Variants in PDZK1 observed in about 807,000 individuals in gnomAD.
PDZK1 encodes the protein Na(+)/H(+) exchange regulatory cofactor NHE-RF3.
PDZK1 carries 23 observed loss-of-function variants against 38.1 expected under a neutral mutation model. That is an observed-to-expected ratio of 0.60 (90% CI 0.43 to 0.85). The LOEUF is 0.85. Among genes scored for constraint, PDZK1 ranks in the 40% least tolerant of loss-of-function variants. PDZK1 has a pLI of 0.00. For synonymous variants in PDZK1, 98 were observed against 186.2 expected, an observed-to-expected ratio of 0.53 and a Z score of 3.86; for missense variants, 297 against 504.3, an observed-to-expected ratio of 0.59 and a Z score of 3.94.
chr1:145,692,800 C>A (rs1244074417), intron 1 of PDZK1, among the ~76,000 whole-genome samples: 1 of 151,300 alleles, frequency 6.6e-6, no homozygotes, highest in African/African-American at 2.4e-5. Flanking sequence ...TTTGGGAGGC[C>A]AAGGCAAGCG....
chr1:145,683,760 G>A (rs1553700908), intron 3 of PDZK1, among the ~76,000 whole-genome samples: 1 of 151,704 alleles, frequency 6.6e-6, no homozygotes, highest in African/African-American at 2.4e-5. Context: ...CAATAACTGA[G>A]CTAATCTTAG....
intron 1 of PDZK1, among the ~76,000 whole-genome samples, chr1:145,695,143 G>A (rs587729588): frequency 5.9e-5 from 9 of 151,450 alleles, no homozygotes; most frequent in East Asian, 3.9e-4. Flanking sequence ...TGCCAGGTGC[G>A]GTGGCTCACA....
intron 1 of PDZK1, among the ~76,000 whole-genome samples, chr1:145,692,728 G>GAAGA (rs1328323127): frequency 1.3e-5 from 2 of 150,632 alleles, no homozygotes; most frequent in East Asian, 1.9e-4. Context: ...AAAAGAAGAA[G>GAAGA]AAGAAAGAAA....
chr1:145,680,703 A>T (rs781823985), intron 5 of PDZK1, among the ~76,000 whole-genome samples: 3 of 144,784 alleles, frequency 2.1e-5, no homozygotes, highest in Non-Finnish European at 4.5e-5. Context: ...CGTTGCCCAG[A>T]TCCCAAATTC....
chr1:145,679,805 CA>C (rs1654057103), intron 5 of PDZK1, among the ~76,000 whole-genome samples: 1 of 152,222 alleles, frequency 6.6e-6, no homozygotes, highest in South Asian at 2.1e-4. Context: ...AACAACTCCC[CA>C]TTGTCTGATA....
chr1:145,693,426 T>C (rs1389406087), intron 1 of PDZK1, among the ~76,000 whole-genome samples: 7 of 152,216 alleles, frequency 4.6e-5, no homozygotes, highest in African/African-American at 1.7e-4. Flanking sequence ...ACCTCAGGTC[T>C]AAAGCAGACC....
intron 4 of PDZK1, 108 bp from the exon 5 acceptor site, chr1:145,681,215 T>C (rs1654212986): frequency 2.3e-6 from 1 of 432,602 alleles, no homozygotes; most frequent in African/African-American, 2.4e-5. Flanking sequence ...CAACAAAAGA[T>C]AGGGGATGAA....
intron 1 of PDZK1, among the ~76,000 whole-genome samples, chr1:145,690,169 T>C (rs937163527): frequency 3.3e-5 from 5 of 151,960 alleles, no homozygotes; most frequent in African/African-American, 4.8e-5. Flanking sequence ...ATCACCAGAG[T>C]TGAGTCACAT....
chr1:145,673,125 ATGT>A (rs1653262606), intron 7 of PDZK1, 105 bp from the exon 8 acceptor site: 4 of 937,760 alleles, frequency 4.3e-6, no homozygotes, highest in African/African-American at 1.6e-5. Flanking sequence ...ATTTTTAATC[ATGT>A]TATTATTTCT....
chr1:145,694,786 A>G (rs1459135057), intron 1 of PDZK1, among the ~76,000 whole-genome samples: 3 of 149,764 alleles, frequency 2.0e-5, no homozygotes, highest in African/African-American at 7.4e-5. Flanking sequence ...AGTCCCAGCT[A>G]CTCAGGAGGT....
intron 1 of PDZK1, among the ~76,000 whole-genome samples, chr1:145,700,183 G>A (rs1286365565): frequency 6.6e-6 from 1 of 152,188 alleles, no homozygotes; most frequent in Non-Finnish European, 1.5e-5. Flanking sequence ...CTTCTGCGAA[G>A]CTAATTTTAG....
In PDZK1 at chr1:145,676,174, G is replaced by C. The variant is rs1365492110; in HGVS notation, c.990+2275C>G. 6 of 984,828 alleles carry C rather than the reference G, an allele frequency of 6.1e-6. No individual in the cohort carries two copies. The African/African-American group carries it at 1.0e-4, about 17-fold the overall frequency. 61.0% of individuals were successfully genotyped at this position (984,828 alleles called of 1,614,324 possible). A position where few individuals can be genotyped will look rare whatever the true frequency, so the allele number is the denominator to read the frequency against. ...AGGGCTTACTTTGGAGAGCGGGGAA[G>C]GAGATGATGAGGGCAGGCTTCTTTT... On this transcript the variant is annotated intron_variant, in intron 6 of 8. Transcript: ENST00000417171.
intron 1 of PDZK1, among the ~76,000 whole-genome samples, chr1:145,697,212 A>C (rs1223807447): frequency 2.0e-5 from 3 of 152,206 alleles, no homozygotes; most frequent in East Asian, 1.9e-4. Flanking sequence ...CTGTAAGCCC[A>C]GGTACTTGGG....
chr1:145,679,935 C>CCTGA (rs1200449732), intron 5 of PDZK1, among the ~76,000 whole-genome samples: 1 of 152,308 alleles, frequency 6.6e-6, no homozygotes, highest in South Asian at 2.1e-4. Context: ...GCCAGTGTCT[C>CCTGA]CTGACTGTGT....
At chr1:145,688,053 C>T in intron 1 of PDZK1, 30 bp from the exon 2 acceptor site, 1 of 1,567,460 alleles carries the variant, frequency 6.4e-7, no homozygotes, top group Non-Finnish European at 8.8e-7. Context: ...TTAATAAAAC[C>T]ATGGAAAAGA....
At chr1:145,674,370 G>A in intron 6 of PDZK1, 2 of 567,002 alleles carry the variant, frequency 3.5e-6, no homozygotes, top group Non-Finnish European at 4.5e-6. Context: ...ACTTGTGATA[G>A]TTAATTTTAG....
chr1:145,671,765 G>T (rs1192602363), intron 8 of PDZK1: 5 of 360,896 alleles, frequency 1.4e-5, no homozygotes, highest in African/African-American at 2.1e-5. Flanking sequence ...TTTTCAACTT[G>T]CTGTTTGACA....
At chr1:145,696,920 G>A (rs1000424277) in intron 1 of PDZK1, among the ~76,000 whole-genome samples, 1 of 152,176 alleles carries the variant, frequency 6.6e-6, no homozygotes. Flanking sequence ...CTAGAGTCGA[G>A]GTTTGGGACC....
intron 1 of PDZK1, among the ~76,000 whole-genome samples, chr1:145,698,220 G>A (rs1325637221): frequency 1.3e-5 from 2 of 152,234 alleles, no homozygotes; most frequent in South Asian, 2.1e-4. Flanking sequence ...AGAGGGGACG[G>A]AGGAAAAGCT....
Sources: gnomAD v4.1 joint callset for allele counts (sites outside exome capture counted in the v4.1 genomes callset) on GRCh38, gnomAD v4.1.1 for gene constraint, MANE v1.5 for transcripts, NCBI Gene and HGNC (gene_info 2026-07-23, HGNC 2026-07-21) for gene names.